Variants in AGMO observed in about 807,000 individuals in gnomAD.
The protein encoded by AGMO is glyceryl-ether monooxygenase.
AGMO carries 75 observed loss-of-function variants against 60.2 expected under a neutral mutation model. The observed-to-expected ratio is 1.25, with a 90% CI of 1.03 to 1.51. AGMO has a LOEUF of 1.51. Ranked by LOEUF, AGMO falls within the 40% of genes most tolerant of loss-of-function variation. The pLI is 0.00. For missense variants in AGMO, 763 were observed against 525.5 expected, an observed-to-expected ratio of 1.45 and a Z score of -4.42; for synonymous variants, 261 against 177.1, an observed-to-expected ratio of 1.47 and a Z score of -3.76.
At chr7:15,513,806 G>T (rs551377825) in intron 3 of AGMO, among the ~76,000 whole-genome samples, 2 of 152,280 alleles carry the variant, frequency 1.3e-5, no homozygotes, top group Non-Finnish European at 2.9e-5. Flanking sequence ...TCTCTCTTCA[G>T]TATTTGACAC....
the AGMO span, among the ~76,000 whole-genome samples, chr7:15,154,171 T>G: frequency 3.9e-5 from 6 of 152,160 alleles, no homozygotes; most frequent in African/African-American, 1.4e-4. Flanking sequence ...GGTAAATGAA[T>G]TCAGCAAAGT....
At chr7:15,379,445 C>A (rs1045270179) in intron 10 of AGMO, among the ~76,000 whole-genome samples, 1 of 152,044 alleles carries the variant, frequency 6.6e-6, no homozygotes, top group Non-Finnish European at 1.5e-5. Flanking sequence ...AATGACCCCA[C>A]AGAAGTACAA....
intron 3 of AGMO, among the ~76,000 whole-genome samples, chr7:15,458,161 C>T (rs1248786148): frequency 2.0e-5 from 3 of 152,146 alleles, no homozygotes; most frequent in Admixed American, 1.3e-4. Flanking sequence ...AATACAACTA[C>T]AGCCCAAAAA....
intron 6 of AGMO, among the ~76,000 whole-genome samples, chr7:15,392,778 G>A (rs984215843): frequency 2.7e-5 from 4 of 150,138 alleles, no homozygotes; most frequent in African/African-American, 7.4e-5. Flanking sequence ...CAGCCTGGGC[G>A]ACAGAATGAG....
In AGMO at chr7:15,538,661, T is replaced by C. The variant is rs191171886; in HGVS notation, c.409+6111A>G. Among the ~76,000 whole-genome samples the C allele has an allele frequency of 1.3e-3, 192 of 152,322 alleles. 1 individual carries two copies. Among genetic ancestry groups the C allele is most frequent in the Non-Finnish European group, 4.4e-4 (30 of 68,030 alleles). ...CAGAAGAATGTAAGTAATCTATTCA[T>C]CAGTGCAGACCACAATCCTGGCACC... On this transcript the variant is annotated intron_variant, in intron 3 of 12. Coordinates refer to ENST00000342526, the MANE Select transcript of AGMO (RefSeq NM_001004320.2).
At chr7:15,148,360 T>C in the AGMO span, among the ~76,000 whole-genome samples, 2 of 152,268 alleles carry the variant, frequency 1.3e-5, no homozygotes, top group Admixed American at 6.5e-5. Flanking sequence ...TTCAATGAGT[T>C]CATGTTCAGG....
chr7:15,128,380 G>A, the AGMO span, among the ~76,000 whole-genome samples: 830 of 151,944 alleles, frequency 5.5e-3, 6 homozygotes, highest in African/African-American at 0.019. Context: ...AGATATGCTG[G>A]GTGAATTACT....
At chr7:15,266,142 G>T (rs1358292514) in intron 12 of AGMO, among the ~76,000 whole-genome samples, 3 of 152,100 alleles carry the variant, frequency 2.0e-5, no homozygotes, top group African/African-American at 4.8e-5. Flanking sequence ...GAAGGAATGG[G>T]AGTTATTGTT....
intron 12 of AGMO, among the ~76,000 whole-genome samples, chr7:15,245,480 C>A (rs986812341): frequency 6.6e-6 from 1 of 152,134 alleles, no homozygotes; most frequent in Non-Finnish European, 1.5e-5. Flanking sequence ...TTGCATTCAG[C>A]CTTCCTTCCT....
At chr7:15,285,341 C>G (rs1784073065) in intron 12 of AGMO, among the ~76,000 whole-genome samples, 1 of 151,996 alleles carries the variant, frequency 6.6e-6, no homozygotes, top group Non-Finnish European at 1.5e-5. Context: ...AAAGATTACT[C>G]CATAAGACTA....
intron 12 of AGMO, among the ~76,000 whole-genome samples, chr7:15,286,889 A>C (rs1784114534): frequency 6.6e-6 from 1 of 152,186 alleles, no homozygotes; most frequent in Admixed American, 6.5e-5. Flanking sequence ...AATATTACTC[A>C]GCCATAAAAA....
chr7:15,178,604 C>T, the AGMO span, among the ~76,000 whole-genome samples: 13 of 151,862 alleles, frequency 8.6e-5, 1 homozygote, highest in Admixed American at 4.6e-4. Context: ...GAGAAAGAGG[C>T]TTTATTAAAA....
the AGMO span, among the ~76,000 whole-genome samples, chr7:15,160,543 A>C: frequency 2.0e-5 from 3 of 152,084 alleles, no homozygotes; most frequent in African/African-American, 7.2e-5. Context: ...TATAAATCTG[A>C]TCTACCTAAA....
chr7:15,364,001 T>A (rs775779847), intron 12 of AGMO, among the ~76,000 whole-genome samples: 9 of 152,026 alleles, frequency 5.9e-5, no homozygotes, highest in Non-Finnish European at 1.2e-4. Context: ...TGCTTTTAGG[T>A]TATAATTTGA....
At chr7:15,269,953 A>G (rs1783546728) in intron 12 of AGMO, among the ~76,000 whole-genome samples, 1 of 152,128 alleles carries the variant, frequency 6.6e-6, no homozygotes, top group African/African-American at 2.4e-5. Context: ...ATTCAATTTT[A>G]TTATGAAATT....
intron 4 of AGMO, among the ~76,000 whole-genome samples, chr7:15,428,410 T>C (rs186632875): frequency 1.4e-3 from 219 of 152,300 alleles, no homozygotes; most frequent in Non-Finnish European, 2.7e-3. Flanking sequence ...CGTTGCCTTA[T>C]TCAGCACATT....
At chr7:15,309,759 A>G (rs1189760664) in intron 12 of AGMO, among the ~76,000 whole-genome samples, 1 of 152,178 alleles carries the variant, frequency 6.6e-6, no homozygotes, top group East Asian at 1.9e-4. Context: ...AGAGAATACA[A>G]ATAAAGCCCA....
At chr7:15,181,552 C>G in the AGMO span, among the ~76,000 whole-genome samples, 1 of 152,106 alleles carries the variant, frequency 6.6e-6, no homozygotes, top group Non-Finnish European at 1.5e-5. Context: ...TAGATACATA[C>G]CTTTTATTCC....
chr7:15,354,336 A>ATACACACGCGTGTATATACGTACGCGTG (rs1782378889), intron 12 of AGMO, among the ~76,000 whole-genome samples: 1 of 94,116 alleles, frequency 1.1e-5, no homozygotes, highest in Non-Finnish European at 2.1e-5. Context: ...GTACGCGTGT[A>ATACACACGCGTGTATATACGTACGCGTG]TATACACGCG....
Sources: allele counts gnomAD v4.1 joint callset (sites outside exome capture counted in the v4.1 genomes callset), GRCh38; gene constraint gnomAD v4.1.1; transcripts MANE v1.5; gene names NCBI Gene and HGNC (gene_info 2026-07-23, HGNC 2026-07-21).